The following RSPH14 variants were observed in gnomAD, a reference collection of about 807,000 sequenced individuals.
The protein encoded by RSPH14 is rhabdoid tumor deletion region gene 1.
RSPH14 carries 20 observed loss-of-function variants against 26.7 expected under a neutral mutation model. That is an observed-to-expected ratio of 0.75 (90% CI 0.53 to 1.09). The LOEUF (loss-of-function observed/expected upper bound fraction) is 1.09, where lower values mean the gene tolerates loss of function less well. RSPH14 is among the 50% of genes least tolerant of loss of function. The probability of loss-of-function intolerance (pLI) is 0.00; values close to 1 mark genes in which losing one functional copy is unlikely to be tolerated. For synonymous variants in RSPH14, 177 were observed against 189.3 expected, an observed-to-expected ratio of 0.93 and a Z score of 0.53; for missense variants, 449 against 457.2, an observed-to-expected ratio of 0.98 and a Z score of 0.16.
In RSPH14 at chr22:23,084,917, C is replaced by T. The variant is rs139134808; in HGVS notation, c.422-20784G>A. On this transcript the variant is annotated intron_variant, in intron 4 of 6. Coordinates refer to ENST00000216036, the MANE Select transcript of RSPH14 (RefSeq NM_014433.3). ...CTACCATCGCATGTCCAGGTGACAT[C>T]GCACGTCCAGGTGCCATTGCACACT... 4.5e-3 allele frequency among the ~76,000 whole-genome samples: 693 copies of T among 152,336 alleles called. 3 individuals carry two copies. The highest frequency in any genetic ancestry group is 0.016 in the African/African-American group (662 of 41,570).
chr22:23,069,181 A>G (rs1284927822), intron 4 of RSPH14, among the ~76,000 whole-genome samples: 1 of 152,124 alleles, frequency 6.6e-6, no homozygotes, highest in African/African-American at 2.4e-5. Flanking sequence ...CTGCCCCTCC[A>G]CCACAGAGCT....
the RSPH14 span, among the ~76,000 whole-genome samples, chr22:23,168,062 G>A: frequency 5.2e-3 from 786 of 152,166 alleles, 4 homozygotes; most frequent in Admixed American, 9.6e-3. Flanking sequence ...GTGTTGCCCA[G>A]GCTGCACTAA....
At chr22:23,153,169 C>T in the RSPH14 span, 19 of 1,502,550 alleles carry the variant, frequency 1.3e-5, no homozygotes, top group African/African-American at 2.2e-4. Flanking sequence ...TCGTGGGCAG[C>T]TTCCTACAGG....
chr22:23,123,383 G>A, intron 4 of RSPH14: 2 of 1,613,960 alleles, frequency 1.2e-6, no homozygotes, highest in Non-Finnish European at 8.5e-7. Flanking sequence ...TCGACGCGGT[G>A]ACAGACGTCA....
the RSPH14 span, among the ~76,000 whole-genome samples, chr22:23,174,352 T>A: frequency 1.1e-4 from 17 of 151,326 alleles, no homozygotes; most frequent in South Asian, 2.1e-4. Flanking sequence ...TGCAGTGAGC[T>A]AGGATTGCAA....
rs144239255 is a variant in RSPH14, at chr22:23,073,060, C to A, written c.422-8927G>T. Among the ~76,000 whole-genome samples the A allele has an allele frequency of 3.7e-4, 57 of 152,378 alleles. 1 individual carries two copies. Among genetic ancestry groups the A allele is most frequent in the Non-Finnish European group, 6.0e-4 (41 of 68,036 alleles). On this transcript the variant is annotated intron_variant, in intron 4 of 6. Coordinates refer to ENST00000216036, the MANE Select transcript of RSPH14 (RefSeq NM_014433.3). ...CTTGTGTGTGAACACATGTGTGCGG[C>A]TTCCTCCCCTGGAGGCAAGGAAGGC... is the stretch of plus-strand genomic sequence containing the variant.
At chr22:23,061,652 CT>C (rs1325967538) in intron 6 of RSPH14, among the ~76,000 whole-genome samples, 156 bp downstream of exon 6, 1 of 150,686 alleles carries the variant, frequency 6.6e-6, no homozygotes, top group Non-Finnish European at 1.5e-5. Context: ...TGGACCCAAC[CT>C]TGAAAGGACA....
intron 4 of RSPH14, among the ~76,000 whole-genome samples, chr22:23,108,632 G>A (rs978519522): frequency 8.5e-5 from 13 of 152,372 alleles, no homozygotes; most frequent in Admixed American, 5.9e-4. Context: ...TCCAGGAGGT[G>A]CCCTCATGGG....
At chr22:23,090,336 G>A (rs572126645) in intron 4 of RSPH14, among the ~76,000 whole-genome samples, 11 of 152,172 alleles carry the variant, frequency 7.2e-5, no homozygotes, top group East Asian at 5.8e-4. Flanking sequence ...ACTGTGCACC[G>A]TACAGCTCAC....
chr22:23,115,662 G>A (rs1227448161), intron 4 of RSPH14, among the ~76,000 whole-genome samples: 2 of 152,220 alleles, frequency 1.3e-5, no homozygotes, highest in African/African-American at 2.4e-5. Flanking sequence ...GCGTGAAGCA[G>A]GCATGAGGCC....
intron 4 of RSPH14, among the ~76,000 whole-genome samples, chr22:23,088,294 G>C (rs991213445): frequency 1.3e-5 from 2 of 152,190 alleles, no homozygotes; most frequent in Non-Finnish European, 2.9e-5. Context: ...CATGCTCTGA[G>C]CTGTGGGCTG....
At chr22:23,134,294 G>A in intron 3 of RSPH14, 150 bp from the exon 4 acceptor site, 1 of 615,270 alleles carries the variant, frequency 1.6e-6, no homozygotes. Context: ...AAAGGCTACA[G>A]GTGCGTGATC....
intron 4 of RSPH14, among the ~76,000 whole-genome samples, chr22:23,117,581 G>A (rs1441646642): frequency 6.6e-6 from 1 of 152,242 alleles, no homozygotes; most frequent in African/African-American, 2.4e-5. Flanking sequence ...ACGTCCCAGT[G>A]CCAAGGCGAA....
intron 4 of RSPH14, among the ~76,000 whole-genome samples, chr22:23,115,272 G>A (rs1045194637): frequency 2.0e-5 from 3 of 152,196 alleles, no homozygotes; most frequent in Middle Eastern, 3.2e-3. Context: ...GCTGAGGTAT[G>A]TGACAAGGCT....
At chr22:23,084,551 C>T (rs1253682468) in intron 4 of RSPH14, among the ~76,000 whole-genome samples, 1 of 152,218 alleles carries the variant, frequency 6.6e-6, no homozygotes, top group African/African-American at 2.4e-5. Context: ...GGCCTTCTTG[C>T]AGACAGCCAC....
chr22:23,075,414 A>AGGC (rs2068484549), intron 4 of RSPH14, among the ~76,000 whole-genome samples: 1 of 152,288 alleles, frequency 6.6e-6, no homozygotes, highest in African/African-American at 2.4e-5. Context: ...AGGCAGCAGG[A>AGGC]GGCACATCTT....
At chr22:23,105,113 G>T (rs932965725) in intron 4 of RSPH14, among the ~76,000 whole-genome samples, 3 of 152,174 alleles carry the variant, frequency 2.0e-5, no homozygotes, top group Non-Finnish European at 4.4e-5. Flanking sequence ...AGAGTCGACT[G>T]GGGGCCCTGG....
chr22:23,139,075 T>G (rs1237981260), intron 2 of RSPH14, 133 bp from the exon 3 acceptor site: 1 of 649,952 alleles, frequency 1.5e-6, no homozygotes, highest in Non-Finnish European at 2.7e-6. Flanking sequence ...TTTGGGGCAC[T>G]GGGGAATCAT....
At chr22:23,067,254 T>G (rs558717949) in intron 4 of RSPH14, among the ~76,000 whole-genome samples, 1 of 152,218 alleles carries the variant, frequency 6.6e-6, no homozygotes, top group East Asian at 1.9e-4. Flanking sequence ...GACACCATGT[T>G]GAGGGGCCAC....
Sources: gnomAD v4.1 joint callset for allele counts (sites outside exome capture counted in the v4.1 genomes callset) on GRCh38, gnomAD v4.1.1 for gene constraint, MANE v1.5 for transcripts, NCBI Gene and HGNC (gene_info 2026-07-23, HGNC 2026-07-21) for gene names.